PTPN13: variants seen among roughly 807,000 people sequenced by gnomAD.
PTPN13 encodes protein tyrosine phosphatase non-receptor type 13.
Under a neutral mutation model 284.0 loss-of-function variants are expected in PTPN13, and 191 were observed. That is an observed-to-expected ratio of 0.67 (90% confidence interval 0.60 to 0.76). The LOEUF is 0.76. PTPN13 is among the 30% of genes least tolerant of loss of function. The pLI, the probability that PTPN13 is intolerant of heterozygous loss-of-function variation, is 0.00. For missense variants in PTPN13, 2,797 were observed against 2,939.9 expected (o/e 0.95, Z 1.12); for synonymous variants, 986 against 1,022.3 (o/e 0.96, Z 0.68).
intron 3 of PTPN13, among the ~76,000 whole-genome samples, chr4:86,682,776 A>G (rs1187212): frequency 0.053 from 7,996 of 152,288 alleles, 290 homozygotes; most frequent in Non-Finnish European, 0.073. Context: ...GGCTGCACCA[A>G]CAGTACAAAC....
At chr4:86,739,042 T>C (rs1281517045) in intron 15 of PTPN13, among the ~76,000 whole-genome samples, 2 of 152,184 alleles carry the variant, frequency 1.3e-5, no homozygotes, top group Non-Finnish European at 2.9e-5. Flanking sequence ...TTTTATTTTC[T>C]AGTTTATGGT....
intron 44 of PTPN13, among the ~76,000 whole-genome samples, chr4:86,806,833 A>G (rs564243782): frequency 6.6e-6 from 1 of 152,212 alleles, no homozygotes; most frequent in East Asian, 1.9e-4. Flanking sequence ...AATACATATA[A>G]ATTTATTCTC....
At chr4:86,689,550 G>T in intron 5 of PTPN13, 1 of 647,176 alleles carries the variant, frequency 1.5e-6, no homozygotes, top group African/African-American at 1.8e-5. Context: ...ATGGGTTTTA[G>T]AAATATTTAA....
In PTPN13 at chr4:86,750,757, C is replaced by A. The variant is rs1452389980; in HGVS notation, c.2938C>A (p.Pro980Thr). 2 of 1,613,492 alleles carry A rather than the reference C, an allele frequency of 1.2e-6. No homozygotes were observed. Among genetic ancestry groups the A allele is most frequent in the East Asian group, 4.5e-5 (2 of 44,822 alleles). The change falls in exon 18 of 48, where the codon CCA (proline) becomes ACA (threonine). Residue 980 changes from proline to threonine, a missense_variant. Physicochemically the swap from Pro to Thr is conservative, Grantham distance 38. Coordinates refer to ENST00000411767, the MANE Select transcript of PTPN13 (RefSeq NM_080683.3). Reference sequence around the variant, plus strand: ...TGATCTCAGTCAGGCCTCTCTCTATCCACATCGGAAAAATGTCATTGTTAA... The same window carrying A: ...TGATCTCAGTCAGGCCTCTCTCTATACACATCGGAAAAATGTCATTGTTAA... ...YHDLSQASLY[P>T]HRKNVIVNME...
intron 47 of PTPN13, among the ~76,000 whole-genome samples, chr4:86,812,309 CAAAA>C (rs555017151): frequency 9.5e-4 from 56 of 58,728 alleles, no homozygotes; most frequent in Admixed American, 1.2e-3. Context: ...GACTCCGTCT[CAAAA>C]AAAAAAAAAA....
intron 40 of PTPN13, among the ~76,000 whole-genome samples, chr4:86,792,596 T>A (rs150360342): frequency 0.099 from 15,121 of 152,068 alleles, 861 homozygotes; most frequent in Non-Finnish European, 0.11. Flanking sequence ...AAATGTTAAG[T>A]GTGCAGCCAG....
chr4:86,800,661 AAGAG>A (rs764633838), intron 42 of PTPN13, among the ~76,000 whole-genome samples: 14 of 150,568 alleles, frequency 9.3e-5, no homozygotes, highest in South Asian at 4.3e-4. Context: ...GAAAGAAAGA[AAGAG>A]AGAGAGAGAA....
Position 86,741,662 on chromosome 4 carries a change from T to G in PTPN13, c.2333T>G (p.Val778Gly). 1 of 1,613,580 alleles carries G rather than the reference T, an allele frequency of 6.2e-7. No individual in the cohort carries two copies. The highest frequency in any genetic ancestry group is 8.5e-7 in the Non-Finnish European group (1 of 1,179,676). The change falls in exon 16 of 48, where the codon GTT becomes GGT. Residue 778 changes from valine (V) to glycine (G), a missense_variant. Physicochemically the swap from Val to Gly is moderately radical, Grantham distance 109 (BLOSUM62 -3). Transcript: ENST00000411767. ...KVCQRLTEYG[V>G]HFHRVHPEKK... The stretch of plus-strand genomic sequence containing the variant: ...TGCCAAAGACTGACAGAATATGGAG[T>G]TCATTTTCACCGAGTGCACCCTGAG...
intron 5 of PTPN13, among the ~76,000 whole-genome samples, chr4:86,692,485 G>A (rs1730129980): frequency 6.6e-6 from 1 of 152,160 alleles, no homozygotes; most frequent in South Asian, 2.1e-4. Context: ...GCGAGTTTGT[G>A]TGTGTGTAAA....
chr4:86,661,725 T>C (rs766891234), intron 2 of PTPN13, among the ~76,000 whole-genome samples: 9 of 152,236 alleles, frequency 5.9e-5, no homozygotes, highest in Non-Finnish European at 1.0e-4. Context: ...TATTTTCCTC[T>C]GGAAGCTAAA....
intron 15 of PTPN13, among the ~76,000 whole-genome samples, chr4:86,739,892 C>T (rs756326551): frequency 3.9e-5 from 6 of 152,170 alleles, no homozygotes; most frequent in Non-Finnish European, 7.3e-5. Flanking sequence ...ACAGGTCCCA[C>T]GCAAGTCTGA....
chr4:86,678,008 G>A (rs1728486088), intron 3 of PTPN13, among the ~76,000 whole-genome samples: 1 of 152,108 alleles, frequency 6.6e-6, no homozygotes, highest in Admixed American at 6.5e-5. Flanking sequence ...ACTAGAACAT[G>A]TTTTGGTTTG....
intron 44 of PTPN13, among the ~76,000 whole-genome samples, chr4:86,805,896 C>T (rs1379135402): frequency 6.6e-6 from 1 of 152,104 alleles, no homozygotes; most frequent in Non-Finnish European, 1.5e-5. Flanking sequence ...TGGCTCACAC[C>T]TTTAATCCCT....
intron 37 of PTPN13, among the ~76,000 whole-genome samples, 173 bp downstream of exon 37, chr4:86,782,435 A>G (rs1741426182): frequency 6.6e-6 from 1 of 152,220 alleles, no homozygotes; most frequent in Admixed American, 6.5e-5. Context: ...AAATCATACA[A>G]CATAGAGCCT....
intron 9 of PTPN13, among the ~76,000 whole-genome samples, chr4:86,722,004 C>A (rs1565412463): frequency 6.6e-6 from 1 of 152,040 alleles, no homozygotes; most frequent in Non-Finnish European, 1.5e-5. Context: ...GCCTTCACCT[C>A]CCAAAGTGCT....
intron 4 of PTPN13, among the ~76,000 whole-genome samples, 199 bp downstream of exon 4, chr4:86,686,974 G>A (rs1222529104): frequency 6.6e-6 from 1 of 152,074 alleles, no homozygotes; most frequent in African/African-American, 2.4e-5. Context: ...CTATTTTTAA[G>A]GTATTCCTAG....
At chr4:86,669,395 T>G (rs1312809357) in intron 2 of PTPN13, among the ~76,000 whole-genome samples, 1 of 150,794 alleles carries the variant, frequency 6.6e-6, no homozygotes, top group Non-Finnish European at 1.5e-5. Context: ...ATATATAGTT[T>G]CATCATTACA....
At chr4:86,686,658 A>C in intron 3 of PTPN13, 52 bp from the exon 4 acceptor site, 1 of 1,233,258 alleles carries the variant, frequency 8.1e-7, no homozygotes, top group South Asian at 1.4e-5. Flanking sequence ...CACTTGCTTA[A>C]TTTTCTATTG....
chr4:86,748,890 C>G (rs1426737343), intron 17 of PTPN13, among the ~76,000 whole-genome samples: 4 of 152,182 alleles, frequency 2.6e-5, no homozygotes, highest in African/African-American at 4.8e-5. Flanking sequence ...CTCCTGACCT[C>G]ATGATCCGCC....
Sources: gnomAD v4.1 joint callset for allele counts (sites outside exome capture counted in the v4.1 genomes callset) on GRCh38, gnomAD v4.1.1 for gene constraint, MANE v1.5 for transcripts, NCBI Gene and HGNC (gene_info 2026-07-23, HGNC 2026-07-21) for gene names.